The following SVOPL variants were observed in gnomAD, a reference collection of about 807,000 sequenced individuals.
The protein encoded by SVOPL is SVOP like, also known as putative transporter SVOPL.
Under a neutral mutation model 61.0 loss-of-function variants are expected in SVOPL, and 60 were observed. The ratio of observed to expected loss-of-function variants is 0.98; its 90% confidence interval spans 0.80 to 1.22. SVOPL has a LOEUF of 1.22. Among genes scored for constraint, SVOPL ranks in the 50% most tolerant of loss-of-function variants. The probability of loss-of-function intolerance (pLI) is 0.00; values close to 1 mark genes in which losing one functional copy is unlikely to be tolerated. For missense variants in SVOPL, 662 were observed against 643.9 expected, an observed-to-expected ratio of 1.03 and a Z score of -0.30; for synonymous variants, 279 against 250.0, an observed-to-expected ratio of 1.12 and a Z score of -1.09.
At chr7:138,643,025 G>A (rs1807195029) in intron 9 of SVOPL, among the ~76,000 whole-genome samples, 1 of 152,036 alleles carries the variant, frequency 6.6e-6, no homozygotes, top group Non-Finnish European at 1.5e-5. Context: ...AATGTAAAAT[G>A]GTTCAGCTGC....
chr7:138,605,921 T>G (rs1798736934), intron 14 of SVOPL, among the ~76,000 whole-genome samples: 1 of 152,218 alleles, frequency 6.6e-6, no homozygotes, highest in Admixed American at 6.5e-5. Context: ...AATTCCATGT[T>G]GGCATCTGTT....
chr7:138,642,844 AAAAAAAG>A (rs1007368688), intron 9 of SVOPL, among the ~76,000 whole-genome samples: 7 of 17,590 alleles, frequency 4.0e-4, no homozygotes, highest in African/African-American at 5.4e-4. Flanking sequence ...AAAAAAAAAA[AAAAAAAG>A]AAGAAACAAA....
At chr7:138,623,721 GA>G (rs374529880) in intron 13 of SVOPL, among the ~76,000 whole-genome samples, 74 of 152,260 alleles carry the variant, frequency 4.9e-4, no homozygotes, top group African/African-American at 1.7e-3. Flanking sequence ...GTTACGCATA[GA>G]TTTTTTTGGT....
intron 14 of SVOPL, among the ~76,000 whole-genome samples, chr7:138,603,955 C>CT (rs560678707): frequency 0.038 from 4,133 of 109,206 alleles, 147 homozygotes; most frequent in Middle Eastern, 0.071. Context: ...TTAATTTATT[C>CT]TTTTTTTTTT....
chr7:138,602,978 G>T (rs938660532), intron 14 of SVOPL, among the ~76,000 whole-genome samples: 9 of 152,026 alleles, frequency 5.9e-5, no homozygotes, highest in African/African-American at 1.9e-4. Flanking sequence ...ATTCATGGAA[G>T]TAACTCTATC....
At chr7:138,627,247 C>A in intron 12 of SVOPL, 103 bp downstream of exon 12, 1 of 830,548 alleles carries the variant, frequency 1.2e-6, no homozygotes, top group South Asian at 1.6e-5. Context: ...CTCTACTCTC[C>A]TGGGTGAAAG....
At chr7:138,669,660 T>C (rs1802367055) in intron 4 of SVOPL, among the ~76,000 whole-genome samples, 1 of 152,184 alleles carries the variant, frequency 6.6e-6, no homozygotes, top group South Asian at 2.1e-4. Context: ...TCCTCCCTGG[T>C]TCATTCATTC....
intron 9 of SVOPL, among the ~76,000 whole-genome samples, chr7:138,633,871 G>A (rs573933099): frequency 3.9e-5 from 6 of 152,228 alleles, no homozygotes; most frequent in East Asian, 1.9e-4. Flanking sequence ...TGATGTCCTC[G>A]GCAACAAATC....
chr7:138,700,259 G>C (rs978532403), intron 1 of SVOPL, among the ~76,000 whole-genome samples: 2 of 150,786 alleles, frequency 1.3e-5, no homozygotes, highest in Admixed American at 1.3e-4. Context: ...TTGAGAGATA[G>C]AGCTTGCAAT....
chr7:138,647,416 G>T (rs1373632655), intron 8 of SVOPL, among the ~76,000 whole-genome samples: 1 of 151,968 alleles, frequency 6.6e-6, no homozygotes, highest in Admixed American at 6.6e-5. Flanking sequence ...GACATGGCGA[G>T]AAGATAGCTC....
At chr7:138,683,906 G>T (rs1379678758) in intron 1 of SVOPL, among the ~76,000 whole-genome samples, 1 of 150,830 alleles carries the variant, frequency 6.6e-6, no homozygotes, top group Admixed American at 6.6e-5. Context: ...ACAAAAATTA[G>T]CCAGGTGTGG....
At position 138,622,126 on chromosome 7, in the gene SVOPL, C is replaced by CTATCTATCTATG. The variant is rs1563096315; in HGVS notation, c.1264-1003_1264-992dup. On this transcript the variant is annotated intron_variant, in intron 13 of 15. Transcript: ENST00000674285. ...TCTATCTATCTATCTATCTATGTATCTATCTATCTATGTATCTATCTATGT... is the reference window on the plus strand; with the variant it reads ...TCTATCTATCTATCTATCTATGTATCTATCTATCTATGTATCTATCTATGTATCTATCTATGT... 1.3e-3 allele frequency among the ~76,000 whole-genome samples: 97 copies of CTATCTATCTATG among 72,772 alleles called. 11 individuals are homozygous for CTATCTATCTATG. Among genetic ancestry groups the CTATCTATCTATG allele is most frequent in the African/African-American group, 4.1e-3 (91 of 22,390 alleles). The allele number at this position is 72,772 out of a possible 152,430, so 47.7% of individuals were successfully genotyped here.
chr7:138,621,874 C>CTATG lies in SVOPL; in HGVS notation c.1264-740_1264-739insCATA, dbSNP rs1563095599. 3.8e-4 allele frequency among the ~76,000 whole-genome samples: 10 copies of CTATG among 26,066 alleles called. 1 individual carries two copies. Among genetic ancestry groups the CTATG allele is most frequent in the African/African-American group, 9.5e-4 (9 of 9,438 alleles). 17.1% of individuals were successfully genotyped at this position (26,066 alleles called of 152,430 possible). A position where few individuals can be genotyped will look rare whatever the true frequency, so the allele number is the denominator to read the frequency against. ...TCTATCTATCTATCTATCTATCTAT[C>CTATG]TATCTATCTATCTATCTATCTATCT... On this transcript the variant is annotated intron_variant, in intron 13 of 15. Coordinates refer to ENST00000674285, the MANE Select transcript of SVOPL (RefSeq NM_001139456.2).
intron 9 of SVOPL, among the ~76,000 whole-genome samples, chr7:138,634,789 C>T (rs1800387479): frequency 6.6e-6 from 1 of 151,228 alleles, no homozygotes; most frequent in Non-Finnish European, 1.5e-5. Context: ...ATGTCAAAAC[C>T]CTGTCTTCTC....
intron 7 of SVOPL, among the ~76,000 whole-genome samples, chr7:138,650,954 G>C (rs1801402682): frequency 6.6e-6 from 1 of 150,898 alleles, no homozygotes; most frequent in Non-Finnish European, 1.5e-5. Context: ...GAAAAATCAG[G>C]GCTTTTGGTT....
intron 15 of SVOPL, 131 bp from the exon 16 acceptor site, chr7:138,594,752 T>C: frequency 1.7e-6 from 1 of 575,382 alleles, no homozygotes; most frequent in Non-Finnish European, 2.8e-6. Flanking sequence ...AATCCTAGCA[T>C]TTACCTTTGT....
Position 138,678,511 on chromosome 7 carries a change from T to C in SVOPL, c.97A>G (p.Thr33Ala). 5 of 1,552,112 alleles carry C rather than the reference T, an allele frequency of 3.2e-6. No homozygotes were observed. The highest frequency in any genetic ancestry group is 4.4e-6 in the Non-Finnish European group (5 of 1,147,082). The change falls in exon 3 of 16, where the codon ACC becomes GCC. Residue 33 changes from threonine (T) to alanine (A), a missense_variant. Coordinates refer to ENST00000674285, the MANE Select transcript of SVOPL (RefSeq NM_001139456.2). ...EPQVKEPKTFTVEDAVETIGF... is the reference protein window; with the variant it reads ...EPQVKEPKTFAVEDAVETIGF... ...ATAGTCTCCACTGCATCTTCCACGG[T>C]GAACGTCTTTGGCTCTAACAACGAA...
chr7:138,645,493 C>T (rs1801054767), intron 8 of SVOPL, among the ~76,000 whole-genome samples: 1 of 152,146 alleles, frequency 6.6e-6, no homozygotes, highest in African/African-American at 2.4e-5. Context: ...TTGGGTCCCC[C>T]TGTTGGTTAT....
intron 5 of SVOPL, chr7:138,662,669 A>G (rs1382133548): frequency 2.4e-5 from 24 of 1,010,762 alleles, no homozygotes; most frequent in Non-Finnish European, 2.8e-5. Flanking sequence ...GCCCCCACTG[A>G]TATCAGACCT....
Sources: allele counts gnomAD v4.1 joint callset (sites outside exome capture counted in the v4.1 genomes callset), GRCh38; gene constraint gnomAD v4.1.1; transcripts MANE v1.5; gene names NCBI Gene and HGNC (gene_info 2026-07-23, HGNC 2026-07-21).